The following SCMH1 variants were observed in gnomAD, a reference collection of about 807,000 sequenced individuals.
SCMH1 encodes Scm polycomb group protein homolog 1.
In SCMH1, 37 loss-of-function variants were observed where a neutral mutation model predicts 70.8. The ratio of observed to expected loss-of-function variants is 0.52; its 90% confidence interval spans 0.40 to 0.69. The LOEUF is 0.69. Among genes scored for constraint, SCMH1 ranks in the 30% least tolerant of loss-of-function variants. SCMH1 has a pLI of 0.00. For synonymous variants in SCMH1, 292 were observed against 307.4 expected, an observed-to-expected ratio of 0.95 and a Z score of 0.52; for missense variants, 607 against 827.3, an observed-to-expected ratio of 0.73 and a Z score of 3.27.
chr1:41,048,565 A>G (rs1242389783), intron 11 of SCMH1, 125 bp downstream of exon 11: 2 of 837,662 alleles, frequency 2.4e-6, no homozygotes, highest in Non-Finnish European at 3.9e-6. Flanking sequence ...GAGGAATGGA[A>G]TACCTTCACA....
chr1:41,155,537 C>T (rs987372249), intron 4 of SCMH1, among the ~76,000 whole-genome samples: 5 of 150,056 alleles, frequency 3.3e-5, no homozygotes, highest in Non-Finnish European at 5.9e-5. Context: ...CAAACAAATA[C>T]GTCAGCTGGT....
At chr1:41,033,394 T>A (rs1251849054) in intron 13 of SCMH1, among the ~76,000 whole-genome samples, 1 of 152,186 alleles carries the variant, frequency 6.6e-6, no homozygotes, top group Non-Finnish European at 1.5e-5. Context: ...AACAATATTC[T>A]ATAAAGAACC....
chr1:41,232,809 C>T (rs941897657), intron 1 of SCMH1, among the ~76,000 whole-genome samples: 1 of 152,158 alleles, frequency 6.6e-6, no homozygotes, highest in African/African-American at 2.4e-5. Context: ...AATAAGGCAA[C>T]ATATGTATAA....
Position 41,164,139 on chromosome 1 carries a change from C to T in SCMH1, c.14-2707G>A, listed in dbSNP as rs568411005. The stretch of plus-strand genomic sequence containing the variant: ...GGCAAACACTCTTAATTCCTCCTTC[C>T]CATCTCTTTTTTGTCAAACGTACCT... On this transcript the variant is annotated intron_variant, in intron 2 of 14. Coordinates refer to ENST00000337495, the Ensembl canonical transcript of SCMH1. 2.6e-5 allele frequency among the ~76,000 whole-genome samples: 4 copies of T among 152,150 alleles called. No individual in the cohort carries two copies. The East Asian group carries it at 7.7e-4, about 29-fold the overall frequency.
intron 1 of SCMH1, among the ~76,000 whole-genome samples, chr1:41,187,148 T>C (rs1650436951): frequency 6.6e-6 from 1 of 152,116 alleles, no homozygotes; most frequent in South Asian, 2.1e-4. Flanking sequence ...CCTTAATGTT[T>C]ATTTTCCCTT....
intron 1 of SCMH1, among the ~76,000 whole-genome samples, chr1:41,186,789 C>T (rs1650328510): frequency 6.6e-6 from 1 of 152,160 alleles, no homozygotes; most frequent in Admixed American, 6.6e-5. Flanking sequence ...TACATGAGGA[C>T]TCAGAGAGAA....
intron 8 of SCMH1, among the ~76,000 whole-genome samples, chr1:41,110,685 T>G (rs11209545): frequency 0.11 from 16,521 of 152,292 alleles, 1,274 homozygotes; most frequent in East Asian, 0.28. Context: ...ATTTATCCAT[T>G]TATCAGATGA....
Position 41,227,999 on chromosome 1 carries a change from A to T in SCMH1, c.-118+14060T>A, listed in dbSNP as rs187482016. ...AGACTCTGTCTCAAAAACAAAACAA[A>T]AACAAAACAAAAGGAGGCAGATTTA... On this transcript the variant is annotated intron_variant, in intron 1 of 14. Coordinates refer to ENST00000337495, the Ensembl canonical transcript of SCMH1. Among the ~76,000 whole-genome samples the T allele has an allele frequency of 3.9e-5, 6 of 152,272 alleles. No individual in the cohort carries two copies. In the East Asian group the frequency reaches 1.2e-3, roughly 29 times the overall value.
In SCMH1 at chr1:41,150,471, C is replaced by T. The variant is rs145946468; in HGVS notation, c.177+1143G>A. ...TGAGCCAAGATCAAGACACCGCACT[C>T]CAGCCTGGGTGACAGAGCGAGACTC... On this transcript the variant is annotated intron_variant, in intron 5 of 14. Coordinates refer to ENST00000337495, the Ensembl canonical transcript of SCMH1. 7.3e-3 allele frequency among the ~76,000 whole-genome samples: 1,104 copies of T among 152,204 alleles called. 17 individuals carry two copies. Among genetic ancestry groups the T allele is most frequent in the African/African-American group, 0.025 (1,045 of 41,508 alleles).
intron 10 of SCMH1, among the ~76,000 whole-genome samples, chr1:41,053,676 A>T (rs985933863): frequency 9.2e-5 from 14 of 152,232 alleles, no homozygotes; most frequent in Non-Finnish European, 1.5e-4. Context: ...ATTGGGACAG[A>T]TTCTGATACC....
chr1:41,211,124 A>G (rs1656914978), intron 1 of SCMH1, among the ~76,000 whole-genome samples: 1 of 152,162 alleles, frequency 6.6e-6, no homozygotes. Context: ...TTCATGAGTA[A>G]AACACCAAAA....
At chr1:41,157,032 C>T (rs1645618586) in intron 4 of SCMH1, among the ~76,000 whole-genome samples, 1 of 148,458 alleles carries the variant, frequency 6.7e-6, no homozygotes. Context: ...TCATATCTCA[C>T]TGTAACCCCG....
At chr1:41,227,238 TC>T (rs1660445364) in intron 1 of SCMH1, among the ~76,000 whole-genome samples, 2 of 152,212 alleles carry the variant, frequency 1.3e-5, no homozygotes, top group Non-Finnish European at 2.9e-5. Context: ...TATATGACAG[TC>T]TTTCCTGTCT....
chr1:41,103,664 A>G (rs1667162659), intron 8 of SCMH1, among the ~76,000 whole-genome samples: 1 of 152,228 alleles, frequency 6.6e-6, no homozygotes, highest in Non-Finnish European at 1.5e-5. Context: ...CATAAATCAC[A>G]TCTCACTATT....
At chr1:41,047,643 C>A (rs1347863010) in intron 11 of SCMH1, among the ~76,000 whole-genome samples, 3 of 151,954 alleles carry the variant, frequency 2.0e-5, no homozygotes, top group Non-Finnish European at 4.4e-5. Flanking sequence ...CTCAGGTGAT[C>A]CGCCCACCTC....
chr1:41,145,906 T>C (rs1237839994), intron 5 of SCMH1, among the ~76,000 whole-genome samples: 1 of 152,242 alleles, frequency 6.6e-6, no homozygotes, highest in Non-Finnish European at 1.5e-5. Context: ...CAGTACATAA[T>C]ACTTGATAAC....
chr1:41,094,118 C>A (rs1324210589), intron 8 of SCMH1, among the ~76,000 whole-genome samples: 2 of 152,190 alleles, frequency 1.3e-5, no homozygotes, highest in Non-Finnish European at 1.5e-5. Context: ...TCATACTTCT[C>A]ATTTCATCGC....
intron 7 of SCMH1, among the ~76,000 whole-genome samples, chr1:41,114,592 CTT>C (rs71816911): frequency 0.034 from 4,972 of 148,152 alleles, 105 homozygotes; most frequent in Non-Finnish European, 0.051. Context: ...TGGAAATAAC[CTT>C]TATTATATAC....
chr1:41,161,537 C>A, intron 2 of SCMH1, 105 bp from the exon 3 acceptor site: 1 of 1,255,666 alleles, frequency 8.0e-7, no homozygotes, highest in Non-Finnish European at 1.1e-6. Flanking sequence ...TAATCCACTT[C>A]CGAGATTCTA....
Sources: allele counts gnomAD v4.1 joint callset (sites outside exome capture counted in the v4.1 genomes callset), GRCh38; gene constraint gnomAD v4.1.1; transcripts MANE v1.5; gene names NCBI Gene and HGNC (gene_info 2026-07-23, HGNC 2026-07-21).